The following LRIG1 variants were observed in gnomAD, a reference collection of about 807,000 sequenced individuals.
LRIG1 encodes leucine rich repeats and immunoglobulin like domains 1.
LRIG1 carries 48 observed loss-of-function variants against 99.2 expected under a neutral mutation model. The ratio of observed to expected loss-of-function variants is 0.48; its 90% CI spans 0.38 to 0.62. The LOEUF (loss-of-function observed/expected upper bound fraction) is 0.62. LRIG1 is among the 20% of genes least tolerant of loss of function. The pLI, the probability that LRIG1 is intolerant of heterozygous loss-of-function variation, is 0.00. For synonymous variants in LRIG1, 772 were observed against 596.1 expected, an observed-to-expected ratio of 1.29 and a Z score of -4.30; for missense variants, 1,646 against 1,434.4, an observed-to-expected ratio of 1.15 and a Z score of -2.38.
chr3:66,431,347 G>A (rs993781061), intron 3 of LRIG1, among the ~76,000 whole-genome samples: 11 of 152,186 alleles, frequency 7.2e-5, no homozygotes, highest in South Asian at 4.1e-4. Flanking sequence ...AGGTGAGATG[G>A]CAACGATCAA....
intron 8 of LRIG1, among the ~76,000 whole-genome samples, chr3:66,405,484 C>T (rs1460645064): frequency 6.6e-6 from 1 of 152,176 alleles, no homozygotes; most frequent in Admixed American, 6.5e-5. Flanking sequence ...ATGCCTTAGA[C>T]AAGAAACTTC....
chr3:66,442,539 T>A, intron 3 of LRIG1, among the ~76,000 whole-genome samples: 1 of 151,742 alleles, frequency 6.6e-6, no homozygotes, highest in Non-Finnish European at 1.5e-5. Context: ...ACACGGGAGA[T>A]TGTGCAATGA....
chr3:66,485,826 G>T (rs1261567173), intron 1 of LRIG1, among the ~76,000 whole-genome samples: 3 of 152,030 alleles, frequency 2.0e-5, no homozygotes. Flanking sequence ...AAAGAAACAC[G>T]CTCTTCAAGA....
At chr3:66,414,525 T>G (rs1702564009) in intron 5 of LRIG1, among the ~76,000 whole-genome samples, 1 of 152,160 alleles carries the variant, frequency 6.6e-6, no homozygotes, top group African/African-American at 2.4e-5. Context: ...CTCAAACTGT[T>G]CAAGAAGTGT....
chr3:66,405,005 A>G (rs192606418), intron 9 of LRIG1, among the ~76,000 whole-genome samples, 193 bp downstream of exon 9: 177 of 152,262 alleles, frequency 1.2e-3, no homozygotes, highest in African/African-American at 3.8e-3. Context: ...CCAGGCCATC[A>G]AGGAGTGGGG....
At chr3:66,428,095 C>T (rs536257707) in intron 3 of LRIG1, among the ~76,000 whole-genome samples, 8 of 152,194 alleles carry the variant, frequency 5.3e-5, no homozygotes, top group East Asian at 1.9e-4. Flanking sequence ...GCTATGAACA[C>T]GGACTTGTCT....
At chr3:66,401,152 A>G (rs1702037595) in intron 9 of LRIG1, among the ~76,000 whole-genome samples, 1 of 152,222 alleles carries the variant, frequency 6.6e-6, no homozygotes, top group Non-Finnish European at 1.5e-5. Context: ...TGAATGTGAA[A>G]ACAATCGCAT....
chr3:66,407,274 C>T lies in LRIG1; in HGVS notation c.1079+74G>A, dbSNP rs1702302338. 3 of 1,526,464 alleles carry T rather than the reference C, an allele frequency of 2.0e-6. No homozygotes were observed. In the African/African-American group the frequency reaches 4.1e-5, roughly 21 times the overall value. The allele number at this position is 1,526,464 out of a possible 1,614,324, so 94.6% of individuals were successfully genotyped here. On this transcript the variant is annotated intron_variant, in intron 8 of 18. Transcript: ENST00000273261. Reference sequence around the variant, plus strand: ...CGAAGCCAACGCAAATGGAGTTCAACAAAGCAGATGGTTTGCTCTATTCTG... The same window carrying T: ...CGAAGCCAACGCAAATGGAGTTCAATAAAGCAGATGGTTTGCTCTATTCTG...
intron 3 of LRIG1, among the ~76,000 whole-genome samples, chr3:66,437,763 G>A (rs985719839): frequency 6.6e-6 from 1 of 152,154 alleles, no homozygotes; most frequent in Non-Finnish European, 1.5e-5. Context: ...CCCAGCCCCA[G>A]AGGAGACAGA....
intron 2 of LRIG1, among the ~76,000 whole-genome samples, chr3:66,460,182 T>C (rs552858643): frequency 1.2e-4 from 18 of 152,274 alleles, no homozygotes; most frequent in Admixed American, 6.5e-4. Flanking sequence ...GAGGAGATGC[T>C]CGAGTAAGTA....
At chr3:66,463,232 G>T (rs1370688057) in intron 1 of LRIG1, among the ~76,000 whole-genome samples, 2 of 152,218 alleles carry the variant, frequency 1.3e-5, no homozygotes, top group African/African-American at 4.8e-5. Flanking sequence ...AAGTTCAAGT[G>T]AGTGTTTAGA....
At chr3:66,484,466 A>C (rs1052091928) in intron 1 of LRIG1, among the ~76,000 whole-genome samples, 1 of 152,234 alleles carries the variant, frequency 6.6e-6, no homozygotes, top group Non-Finnish European at 1.5e-5. Context: ...CACGATGGGA[A>C]TCTAACTTAA....
At chr3:66,433,038 G>A (rs1201527721) in intron 3 of LRIG1, among the ~76,000 whole-genome samples, 1 of 152,206 alleles carries the variant, frequency 6.6e-6, no homozygotes, top group African/African-American at 2.4e-5. Context: ...TATTTAGGAT[G>A]ACTGGAGTGG....
At chr3:66,391,518 C>T (rs1034684986) in intron 12 of LRIG1, among the ~76,000 whole-genome samples, 3 of 152,176 alleles carry the variant, frequency 2.0e-5, no homozygotes, top group Non-Finnish European at 2.9e-5. Flanking sequence ...AAGCCAGTTA[C>T]AAGAGACCGT....
chr3:66,488,707 G>A (rs776009106), intron 1 of LRIG1, among the ~76,000 whole-genome samples: 30 of 152,160 alleles, frequency 2.0e-4, no homozygotes, highest in Admixed American at 9.8e-4. Flanking sequence ...AGGGATACAC[G>A]AAAGATCTCC....
chr3:66,490,115 A>T (rs1373252916), intron 1 of LRIG1, among the ~76,000 whole-genome samples: 1 of 152,234 alleles, frequency 6.6e-6, no homozygotes, highest in Non-Finnish European at 1.5e-5. Context: ...TCCATAGAAG[A>T]GTCTCTGATT....
chr3:66,388,226 T>C (rs373844670), intron 12 of LRIG1: 5 of 147,196 alleles, frequency 3.4e-5, no homozygotes, highest in African/African-American at 1.3e-4. Context: ...ATAACTGAAA[T>C]GAAAAATTCA....
intron 8 of LRIG1, chr3:66,405,636 G>T: frequency 1.2e-6 from 1 of 839,646 alleles, no homozygotes; most frequent in East Asian, 6.2e-5. Context: ...GTTCCTTAAG[G>T]CTCCCGTCTG....
intron 6 of LRIG1, among the ~76,000 whole-genome samples, chr3:66,411,163 C>A (rs1363700333): frequency 6.6e-6 from 1 of 152,222 alleles, no homozygotes; most frequent in African/African-American, 2.4e-5. Flanking sequence ...CGCTTCCCAA[C>A]ACAGCATGTG....
Sources: allele counts gnomAD v4.1 joint callset (sites outside exome capture counted in the v4.1 genomes callset), GRCh38; gene constraint gnomAD v4.1.1; transcripts MANE v1.5; gene names NCBI Gene and HGNC (gene_info 2026-07-23, HGNC 2026-07-21).